Variants in TERB1 observed in about 807,000 individuals in gnomAD.
TERB1 encodes telomere repeat binding bouquet formation protein 1.
In TERB1, 63 loss-of-function variants were observed where a neutral mutation model predicts 92.3. The ratio of observed to expected loss-of-function variants is 0.68; its 90% CI spans 0.56 to 0.84. TERB1 has a LOEUF of 0.84. TERB1 is among the 40% of genes least tolerant of loss of function. The pLI is 0.00. For synonymous variants in TERB1, 252 were observed against 283.9 expected (o/e 0.89, Z 1.13); for missense variants, 709 against 843.7 (o/e 0.84, Z 1.98).
intron 11 of TERB1, 85 bp from the exon 12 acceptor site, chr16:66,775,328 AC>A: frequency 7.7e-7 from 1 of 1,301,894 alleles, no homozygotes; most frequent in Non-Finnish European, 1.1e-6. Flanking sequence ...ATAATTATGA[AC>A]ATAGTTCAAA....
In TERB1 at chr16:66,754,970, TTTCA is replaced by T; in HGVS notation, c.*2_*5del. On this transcript the variant is annotated 3_prime_UTR_variant, in exon 19 of 19. Coordinates refer to ENST00000433154, the MANE Select transcript of TERB1 (RefSeq NM_001136505.2). Reference sequence around the variant, plus strand: ...TCCAAACTAAAAACTGACAGTCTTCTTTCAATCAAGAAGCTGCACACGTGGGGTG... The same window carrying T: ...TCCAAACTAAAAACTGACAGTCTTCTATCAAGAAGCTGCACACGTGGGGTG... The T allele has an allele frequency of 6.5e-7, 1 of 1,544,048 alleles. No homozygotes were observed. Among genetic ancestry groups the T allele is most frequent in the Non-Finnish European group, 8.7e-7 (1 of 1,145,390 alleles).
chr16:66,798,703 C>T (rs72794207), intron 2 of TERB1, among the ~76,000 whole-genome samples: 36 of 152,236 alleles, frequency 2.4e-4, no homozygotes, highest in Non-Finnish European at 4.1e-4. Context: ...GCTAGAAAGA[C>T]GACATATTAA....
At chr16:66,801,827 A>G (rs902823413), upstream of TERB1, among the ~76,000 whole-genome samples, 1 of 152,226 alleles carries the variant, frequency 6.6e-6, no homozygotes, top group Non-Finnish European at 1.5e-5. Flanking sequence ...AAATTAGGGG[A>G]CTGTGCACGC....
chr16:66,758,439 T>C (rs978515407), intron 18 of TERB1: 7 of 201,056 alleles, frequency 3.5e-5, no homozygotes, highest in Non-Finnish European at 5.0e-5. Flanking sequence ...TTTAAGTTCA[T>C]TTAAAAATTA....
intron 9 of TERB1, 126 bp downstream of exon 9, chr16:66,785,660 G>C: frequency 1.3e-5 from 12 of 951,550 alleles, no homozygotes; most frequent in Non-Finnish European, 1.8e-5. Flanking sequence ...ATCTTTAAGA[G>C]TCTAAATACA....
intron 13 of TERB1, among the ~76,000 whole-genome samples, chr16:66,771,902 A>G (rs1250965397): frequency 6.6e-6 from 1 of 152,224 alleles, no homozygotes; most frequent in Non-Finnish European, 1.5e-5. Context: ...CAAAGCATGC[A>G]TACATAGAAA....
At chr16:66,791,287 G>C (rs2018831106) in intron 3 of TERB1, among the ~76,000 whole-genome samples, 1 of 151,646 alleles carries the variant, frequency 6.6e-6, no homozygotes, top group African/African-American at 2.4e-5. Flanking sequence ...TTTAAGTAAA[G>C]CCACACTGGT....
chr16:66,791,253 A>C (rs1196269128), intron 3 of TERB1, among the ~76,000 whole-genome samples: 1 of 152,112 alleles, frequency 6.6e-6, no homozygotes, highest in Non-Finnish European at 1.5e-5. Context: ...AAATATAGGA[A>C]TAGAAAGTCC....
chr16:66,761,124 A>AAG lies in TERB1; in HGVS notation c.1781-1835_1781-1834insCT, dbSNP rs1338506072. Among the ~76,000 whole-genome samples, 13 of 142,700 alleles carry AAG rather than the reference A, an allele frequency of 9.1e-5. No homozygotes were observed. In the South Asian group the frequency reaches 2.8e-3, roughly 30 times the overall value. 93.6% of individuals were successfully genotyped at this position (142,700 alleles called of 152,430 possible). A position where few individuals can be genotyped will look rare whatever the true frequency, so the allele number is the denominator to read the frequency against. On this transcript the variant is annotated intron_variant, in intron 16 of 18. Coordinates refer to ENST00000433154, the MANE Select transcript of TERB1 (RefSeq NM_001136505.2). Reference sequence around the variant, plus strand: ...GACTCCACCTCAAAAAAAAAAAAAAAAAGAAAAGAAAAGAAAAAGAAAAAA... The same window carrying AAG: ...GACTCCACCTCAAAAAAAAAAAAAAAAGAAGAAAAGAAAAGAAAAAGAAAAAA...
chr16:66,782,451 G>C (rs2018652604), intron 9 of TERB1, among the ~76,000 whole-genome samples: 1 of 151,702 alleles, frequency 6.6e-6, no homozygotes, highest in South Asian at 2.1e-4. Context: ...TCAGGAGGCT[G>C]AGACAGGAGA....
chr16:66,761,477 G>GA (rs1183731883), intron 16 of TERB1, among the ~76,000 whole-genome samples: 1 of 141,214 alleles, frequency 7.1e-6, no homozygotes, highest in Non-Finnish European at 1.5e-5. Flanking sequence ...AAGAAAGAAA[G>GA]AAAGAAAAGA....
intron 2 of TERB1, chr16:66,800,051 AT>A (rs1959231347): frequency 6.6e-6 from 1 of 152,170 alleles, no homozygotes; most frequent in Admixed American, 6.5e-5. Flanking sequence ...TGTTTACCTG[AT>A]TTAGAAAATG....
chr16:66,780,728 T>C (rs2018622149), intron 9 of TERB1, among the ~76,000 whole-genome samples: 1 of 152,232 alleles, frequency 6.6e-6, no homozygotes, highest in Non-Finnish European at 1.5e-5. Context: ...AGATTTCCTC[T>C]GATCTGTAGT....
intron 16 of TERB1, among the ~76,000 whole-genome samples, chr16:66,761,137 GAAAAAGAAAAAAGAAAAT>G (rs1567465139): frequency 2.2e-5 from 3 of 136,786 alleles, no homozygotes; most frequent in African/African-American, 5.4e-5. Context: ...GAAAAGAAAA[GAAAAAGAAAAAAGAAAAT>G]AAAAAGAGCA....
At chr16:66,760,950 A>G (rs1016785496) in intron 16 of TERB1, among the ~76,000 whole-genome samples, 2 of 134,868 alleles carry the variant, frequency 1.5e-5, no homozygotes, top group African/African-American at 2.8e-5. Flanking sequence ...CGTCTCTACT[A>G]AAAATACAAA....
intron 9 of TERB1, among the ~76,000 whole-genome samples, chr16:66,784,187 A>AT (rs1022639958): frequency 3.3e-4 from 50 of 151,822 alleles, no homozygotes; most frequent in African/African-American, 1.2e-3. Context: ...ACTTTTATTG[A>AT]TTTTTTCAAA....
chr16:66,770,289 G>C lies in TERB1; in HGVS notation c.1293C>G (p.Asn431Lys). Residue 431 changes from asparagine (N) to lysine (K), a missense_variant, in exon 14 of 19, where the codon AAC becomes AAG. Physicochemically the swap from Asn to Lys is moderately conservative, Grantham distance 94. Transcript: ENST00000433154. Reference sequence around the variant, plus strand: ...TCATAGATGAAATATTATCCTGATAGTTTTCTCTTTGTATTTCTTCCTATA... The same window carrying C: ...TCATAGATGAAATATTATCCTGATACTTTTCTCTTTGTATTTCTTCCTATA... ...EGNEEEIQRENYQDNISSMNI... is the reference protein window; with the variant it reads ...EGNEEEIQREKYQDNISSMNI... 1 of 1,542,988 alleles carries C rather than the reference G, an allele frequency of 6.5e-7. No homozygotes were observed. The highest frequency in any genetic ancestry group is 8.8e-7 in the Non-Finnish European group (1 of 1,141,582).
chr16:66,783,477 T>C (rs1254715875), intron 9 of TERB1, among the ~76,000 whole-genome samples: 2 of 152,228 alleles, frequency 1.3e-5, no homozygotes, highest in Non-Finnish European at 2.9e-5. Context: ...TGTTAATATT[T>C]TGTTAAGGAT....
intron 10 of TERB1, among the ~76,000 whole-genome samples, 176 bp from the exon 11 acceptor site, chr16:66,777,510 A>G (rs1331488467): frequency 1.3e-5 from 2 of 152,218 alleles, no homozygotes; most frequent in African/African-American, 4.8e-5. Context: ...AATAAAATAT[A>G]AATTCATTGT....
Sources: allele counts gnomAD v4.1 joint callset (sites outside exome capture counted in the v4.1 genomes callset), GRCh38; gene constraint gnomAD v4.1.1; transcripts MANE v1.5; gene names NCBI Gene and HGNC (gene_info 2026-07-23, HGNC 2026-07-21).